The following SH3RF1 variants were observed in gnomAD, a reference collection of about 807,000 sequenced individuals.
The protein encoded by SH3RF1 is E3 ubiquitin-protein ligase SH3RF1.
Under a neutral mutation model 74.0 loss-of-function variants are expected in SH3RF1, and 32 were observed. That is an observed-to-expected ratio of 0.43 (90% CI 0.33 to 0.58). The LOEUF (loss-of-function observed/expected upper bound fraction) is 0.58, where lower values mean the gene tolerates loss of function less well. Among genes scored for constraint, SH3RF1 ranks in the 20% least tolerant of loss-of-function variants. The probability of loss-of-function intolerance (pLI) is 0.05; values close to 1 mark genes in which losing one functional copy is unlikely to be tolerated. For missense variants in SH3RF1, 954 were observed against 1,130.9 expected (o/e 0.84, Z 2.24); for synonymous variants, 396 against 439.6 (o/e 0.90, Z 1.24).
intron 2 of SH3RF1, among the ~76,000 whole-genome samples, chr4:169,258,723 TG>T (rs1731228772): frequency 6.6e-6 from 1 of 152,200 alleles, no homozygotes; most frequent in Non-Finnish European, 1.5e-5. Flanking sequence ...GGTGGGCAAA[TG>T]AAAACTTAAG....
intron 2 of SH3RF1, among the ~76,000 whole-genome samples, chr4:169,249,236 A>C (rs1485565957): frequency 6.6e-6 from 1 of 151,880 alleles, no homozygotes; most frequent in Admixed American, 6.5e-5. Context: ...TCAAAAAAAG[A>C]AAAAAGAAAA....
At chr4:169,156,201 A>G (rs1009373197) in intron 3 of SH3RF1, among the ~76,000 whole-genome samples, 2 of 152,186 alleles carry the variant, frequency 1.3e-5, no homozygotes, top group Non-Finnish European at 2.9e-5. Flanking sequence ...ATCAACCAAG[A>G]TAATCTTTCA....
At chr4:169,270,316 G>T (rs995227916) in intron 1 of SH3RF1, among the ~76,000 whole-genome samples, 1 of 151,984 alleles carries the variant, frequency 6.6e-6, no homozygotes, top group African/African-American at 2.4e-5. Flanking sequence ...ACACCCCGGG[G>T]CCAGGTGTCG....
intron 4 of SH3RF1, among the ~76,000 whole-genome samples, chr4:169,154,402 T>C (rs920172666): frequency 6.6e-6 from 1 of 152,186 alleles, no homozygotes; most frequent in African/African-American, 2.4e-5. Flanking sequence ...CAGTTTGTCA[T>C]TTTAGTTTTC....
In SH3RF1 at chr4:169,136,350, G is replaced by A. The variant is rs780769686; in HGVS notation, c.1036C>T (p.Leu346=). 2 of 1,512,410 alleles carry A rather than the reference G, an allele frequency of 1.3e-6. No individual in the cohort carries two copies. The highest frequency in any genetic ancestry group is 1.8e-6 in the Non-Finnish European group (2 of 1,130,876). 93.7% of individuals were successfully genotyped at this position (1,512,410 alleles called of 1,614,324 possible). The change falls in exon 5 of 12, where the codon CTG becomes TTG. Residue 346 remains leucine (L), a synonymous_variant. Transcript: ENST00000284637. ...GGGGCACTGCAGGAGAGCCCAGACA[G>A]CTCGCTGATCCGTGCAGCAGCAGTG... ...NPTAAARISE[L]SGLSCSAPSQ...
intron 2 of SH3RF1, among the ~76,000 whole-genome samples, chr4:169,190,565 T>C (rs926936132): frequency 1.2e-4 from 18 of 151,424 alleles, no homozygotes; most frequent in Admixed American, 8.6e-4. Context: ...GCAGAGAGAC[T>C]GAAATGGTCA....
Position 169,107,102 on chromosome 4 carries a change from C to T in SH3RF1, c.2243G>A (p.Ser748Asn), listed in dbSNP as rs1260123919. ...CGCTCCCTGGAGAGGAAGCTCTGCA[C>T]TGCCCAGCTCCACTTCTAGGGTGGG... The part of the protein sequence containing the change: ...ASPTLEVELG[S>N]AELPLQGAVG... Residue 748 changes from serine to asparagine, a missense_variant, in exon 11 of 12, where the codon AGT becomes AAT. By Grantham distance (46) the Ser-to-Asn change is conservative (BLOSUM62 1). Around this residue, in one of 3 missense-constraint regions of SH3RF1, gnomAD observed 854 missense variants for 962.5 expected, o/e 0.89. Transcript: ENST00000284637. 6.2e-7 allele frequency: 1 copy of T among 1,613,954 alleles called. No homozygotes were observed. The highest frequency in any genetic ancestry group is 1.7e-5 in the Admixed American group (1 of 60,028).
intron 11 of SH3RF1, among the ~76,000 whole-genome samples, chr4:169,103,372 T>C (rs1413597083): frequency 2.6e-5 from 4 of 152,196 alleles, no homozygotes; most frequent in Non-Finnish European, 5.9e-5. Context: ...TCTGTGAAAT[T>C]CTACCAGTCA....
At chr4:169,205,450 A>G (rs1730238737) in intron 2 of SH3RF1, among the ~76,000 whole-genome samples, 1 of 152,218 alleles carries the variant, frequency 6.6e-6, no homozygotes, top group African/African-American at 2.4e-5. Context: ...TCTCTTTTAT[A>G]TTAATAACTG....
intron 2 of SH3RF1, among the ~76,000 whole-genome samples, chr4:169,243,467 C>T (rs1002962332): frequency 6.6e-6 from 1 of 152,128 alleles, no homozygotes; most frequent in Non-Finnish European, 1.5e-5. Flanking sequence ...GAGCCAAGAT[C>T]GTGCCACTGC....
At chr4:169,190,101 C>T (rs1240445207) in intron 2 of SH3RF1, among the ~76,000 whole-genome samples, 1 of 152,094 alleles carries the variant, frequency 6.6e-6, no homozygotes, top group East Asian at 1.9e-4. Flanking sequence ...GTTCATAGCC[C>T]TAAACGCCTA....
chr4:169,141,878 T>C (rs894758461), intron 4 of SH3RF1, among the ~76,000 whole-genome samples: 12 of 151,294 alleles, frequency 7.9e-5, no homozygotes, highest in African/African-American at 2.9e-4. Flanking sequence ...AGTGGCGTGA[T>C]GTCGGCTCAC....
intron 2 of SH3RF1, among the ~76,000 whole-genome samples, chr4:169,165,695 C>G (rs901002032): frequency 6.6e-6 from 1 of 151,842 alleles, no homozygotes; most frequent in African/African-American, 2.4e-5. Flanking sequence ...TTAGTTTTGT[C>G]CAGTGTTTAC....
chr4:169,199,779 G>A (rs974758517), intron 2 of SH3RF1, among the ~76,000 whole-genome samples: 1 of 152,060 alleles, frequency 6.6e-6, no homozygotes, highest in Non-Finnish European at 1.5e-5. Flanking sequence ...GGATAAAAAG[G>A]TGTGACAAAT....
At chr4:169,245,306 A>G (rs1263794393) in intron 2 of SH3RF1, among the ~76,000 whole-genome samples, 1 of 152,186 alleles carries the variant, frequency 6.6e-6, no homozygotes, top group Non-Finnish European at 1.5e-5. Flanking sequence ...GAGCAAACCT[A>G]CTTAGATTTA....
At position 169,101,757 on chromosome 4, in the gene SH3RF1, A is replaced by C. The variant is rs530310532; in HGVS notation, c.2499-5070T>G. Among the ~76,000 whole-genome samples the C allele has an allele frequency of 3.9e-5, 6 of 151,972 alleles. No homozygotes were observed. In the East Asian group the frequency reaches 9.7e-4, roughly 24 times the overall value. On this transcript the variant is annotated intron_variant, in intron 11 of 11. Transcript: ENST00000284637. ...AAGCACCCCTTGTTCCCTTTGAACA[A>C]AGCGCTGTGGAGGCATTATGGGGTG... is the stretch of plus-strand genomic sequence containing the variant.
At position 169,156,578 on chromosome 4, in the gene SH3RF1, T is replaced by G; in HGVS notation, c.495A>C (p.Arg165Ser). ...CATGGTACCAATTTTCATCCACTTG[T>G]CTTCGCAAAATGATGATGTCACCTT... ...FSKGDIIILR[R>S]QVDENWYHGE... Residue 165 changes from arginine to serine, a missense_variant, in exon 3 of 12, where the codon AGA becomes AGC. Arg to Ser is a moderately radical substitution (Grantham distance 110). Coordinates refer to ENST00000284637, the MANE Select transcript of SH3RF1 (RefSeq NM_020870.4). 1.2e-6 allele frequency: 2 copies of G among 1,614,164 alleles called. No individual in the cohort carries two copies. The highest frequency in any genetic ancestry group is 8.5e-7 in the Non-Finnish European group (1 of 1,180,000).
intron 2 of SH3RF1, among the ~76,000 whole-genome samples, chr4:169,232,913 C>G (rs1279780559): frequency 6.6e-6 from 1 of 152,054 alleles, no homozygotes; most frequent in Non-Finnish European, 1.5e-5. Flanking sequence ...TGTGAACTGC[C>G]TGGTTGTAAA....
At chr4:169,216,881 T>G (rs1408911962) in intron 2 of SH3RF1, among the ~76,000 whole-genome samples, 1 of 151,924 alleles carries the variant, frequency 6.6e-6, no homozygotes, top group East Asian at 1.9e-4. Context: ...CTAGGCGCAG[T>G]GGCTCATGCC....
Sources: gnomAD v4.1 joint callset for allele counts (sites outside exome capture counted in the v4.1 genomes callset) on GRCh38, gnomAD v4.1.1 for gene constraint, gnomAD v4.1.1 regional missense constraint, MANE v1.5 for transcripts, NCBI Gene and HGNC (gene_info 2026-07-23, HGNC 2026-07-21) for gene names.